ZMIZ1: variants seen among roughly 807,000 people sequenced by gnomAD.
ZMIZ1 encodes zinc finger MIZ-type containing 1.
A neutral mutation model predicts 113.9 loss-of-function variants in ZMIZ1; 17 were observed. The ratio of observed to expected loss-of-function variants is 0.15; its 90% CI spans 0.10 to 0.22. The LOEUF is 0.22. ZMIZ1 is among the 10% of genes least tolerant of loss of function. The pLI, the probability that ZMIZ1 is intolerant of heterozygous loss-of-function variation, is 1.00. For missense variants in ZMIZ1, 1,059 were observed against 1,477.8 expected (o/e 0.72, Z 4.65); for synonymous variants, 607 against 603.1 (o/e 1.01, Z -0.09).
At chr10:79,225,054 G>T (rs1175738096) in intron 7 of ZMIZ1, among the ~76,000 whole-genome samples, 1 of 152,194 alleles carries the variant, frequency 6.6e-6, no homozygotes, top group Non-Finnish European at 1.5e-5. Flanking sequence ...GGCAAGGTCA[G>T]CTTGAGGTCG....
chr10:79,194,675 C>T (rs1216600317), intron 4 of ZMIZ1, among the ~76,000 whole-genome samples: 2 of 152,226 alleles, frequency 1.3e-5, no homozygotes, highest in Admixed American at 6.5e-5. Flanking sequence ...CGATGCCCTC[C>T]GTGTCCTCTT....
At chr10:79,297,791 CCCA>C in intron 14 of ZMIZ1, 101 bp downstream of exon 14, 1 of 1,048,014 alleles carries the variant, frequency 9.5e-7, no homozygotes, top group Non-Finnish European at 1.4e-6. Context: ...TTCAAAGGGG[CCCA>C]TGGGTGGGGG....
chr10:79,148,806 A>C (rs1303646672), intron 3 of ZMIZ1, among the ~76,000 whole-genome samples: 1 of 152,070 alleles, frequency 6.6e-6, no homozygotes, highest in Admixed American at 6.5e-5. Context: ...GCTGACGCTG[A>C]CTTCTGTCTT....
intron 1 of ZMIZ1, among the ~76,000 whole-genome samples, chr10:79,088,606 A>G (rs1842889789): frequency 6.6e-6 from 1 of 152,180 alleles, no homozygotes; most frequent in Non-Finnish European, 1.5e-5. Flanking sequence ...CTCGGCCCCT[A>G]CAGGCTTTAA....
rs1855144263 is a variant in ZMIZ1, at chr10:79,311,303, G to C, written c.3096+119G>C. On this transcript the variant is annotated intron_variant, in intron 24 of 24. Transcript: ENST00000334512. ...GAAGGGAGGAGGTGGGTGGGCGGTG[G>C]GAGGGCTTCACCCAGACCTGGCTCC... The C allele has an allele frequency of 3.5e-6, 3 of 864,820 alleles. 1 individual carries two copies. The highest frequency in any genetic ancestry group is 1.7e-5 in the African/African-American group (1 of 58,154). 53.6% of individuals were successfully genotyped at this position (864,820 alleles called of 1,614,324 possible).
chr10:79,309,070 G>A (rs1854931050), intron 23 of ZMIZ1, among the ~76,000 whole-genome samples: 1 of 152,136 alleles, frequency 6.6e-6, no homozygotes, highest in Non-Finnish European at 1.5e-5. Flanking sequence ...GCAGTCACAG[G>A]TAAACTTCTA....
At chr10:79,107,092 G>A (rs1470821714) in intron 1 of ZMIZ1, among the ~76,000 whole-genome samples, 1 of 152,228 alleles carries the variant, frequency 6.6e-6, no homozygotes, top group Admixed American at 6.5e-5. Context: ...TTCAGGTGAG[G>A]AAATTGAAGG....
At chr10:79,185,288 G>T (rs889799831) in intron 4 of ZMIZ1, among the ~76,000 whole-genome samples, 17 of 152,242 alleles carry the variant, frequency 1.1e-4, no homozygotes, top group African/African-American at 3.9e-4. Context: ...CCCCAAAATT[G>T]TTGAGTCGGC....
intron 1 of ZMIZ1, among the ~76,000 whole-genome samples, chr10:79,072,142 A>T (rs1842309320): frequency 6.6e-6 from 1 of 152,116 alleles, no homozygotes; most frequent in South Asian, 2.1e-4. Flanking sequence ...GTGGGGACAA[A>T]ATGTCCCTTT....
At chr10:79,208,621 C>T (rs1848425438) in intron 6 of ZMIZ1, among the ~76,000 whole-genome samples, 172 bp downstream of exon 6, 1 of 152,222 alleles carries the variant, frequency 6.6e-6, no homozygotes. Context: ...CCCCCACGTG[C>T]ACACCCTCAG....
chr10:79,082,841 C>T (rs549406326), intron 1 of ZMIZ1, among the ~76,000 whole-genome samples: 1 of 152,338 alleles, frequency 6.6e-6, no homozygotes, highest in South Asian at 2.1e-4. Context: ...TGGGAGGGTC[C>T]TGCTGGTGGG....
At position 79,121,339 on chromosome 10, in the gene ZMIZ1, T is replaced by C. The variant is rs989900317; in HGVS notation, c.-227+2315T>C. On this transcript the variant is annotated intron_variant, in intron 2 of 24. Coordinates refer to ENST00000334512, the MANE Select transcript of ZMIZ1 (RefSeq NM_020338.4). ...ACCTCAATTCAACACTTCCTTTTCC[T>C]TTCCCTCCCTCCTTCCCAGAGAGCC... Among the ~76,000 whole-genome samples, 77 of 152,218 alleles carry C rather than the reference T, an allele frequency of 5.1e-4. 1 individual carries two copies. The highest frequency in any genetic ancestry group is 1.8e-3 in the African/African-American group (75 of 41,456).
chr10:79,215,238 G>A (rs1038679108), intron 6 of ZMIZ1, among the ~76,000 whole-genome samples: 3 of 152,054 alleles, frequency 2.0e-5, no homozygotes, highest in Non-Finnish European at 4.4e-5. Flanking sequence ...CATCCCGGAA[G>A]CCTTAGTCGA....
intron 4 of ZMIZ1, among the ~76,000 whole-genome samples, chr10:79,182,859 G>C (rs771980711): frequency 6.6e-6 from 1 of 152,230 alleles, no homozygotes; most frequent in Non-Finnish European, 1.5e-5. Flanking sequence ...TGCATGGTAC[G>C]TATCCATTAG....
chr10:79,086,118 T>G (rs1379705419), intron 1 of ZMIZ1, among the ~76,000 whole-genome samples: 1 of 152,214 alleles, frequency 6.6e-6, no homozygotes, highest in Non-Finnish European at 1.5e-5. Context: ...GGATGTAATG[T>G]GGGTCTCACC....
chr10:79,233,849 C>G (rs1849489423), intron 7 of ZMIZ1, among the ~76,000 whole-genome samples: 1 of 152,246 alleles, frequency 6.6e-6, no homozygotes, highest in East Asian at 1.9e-4. Context: ...TAGCTGCAGG[C>G]TGGCACCCAG....
At chr10:79,284,255 G>A (rs1852918515) in intron 8 of ZMIZ1, among the ~76,000 whole-genome samples, 1 of 152,192 alleles carries the variant, frequency 6.6e-6, no homozygotes, top group Non-Finnish European at 1.5e-5. Flanking sequence ...AGTGCAGAGA[G>A]CTCTCTATAA....
chr10:79,181,014 G>T (rs1239813613), intron 4 of ZMIZ1, among the ~76,000 whole-genome samples: 3 of 152,240 alleles, frequency 2.0e-5, no homozygotes, highest in Admixed American at 2.0e-4. Context: ...GAAGGGAAGT[G>T]ACTCATCCAA....
At chr10:79,294,048 A>G (rs1399544373) in intron 12 of ZMIZ1, 1 of 284,638 alleles carries the variant, frequency 3.5e-6, no homozygotes, top group East Asian at 7.2e-5. Context: ...CTCCTCTCCA[A>G]GAAAGAGAGC....
Sources: gnomAD v4.1 joint callset for allele counts (sites outside exome capture counted in the v4.1 genomes callset) on GRCh38, gnomAD v4.1.1 for gene constraint, MANE v1.5 for transcripts, NCBI Gene and HGNC (gene_info 2026-07-23, HGNC 2026-07-21) for gene names.